The following PATE2 variants were observed in gnomAD, a reference collection of about 807,000 sequenced individuals.
The protein encoded by PATE2 is prostate and testis expressed protein 2.
A neutral mutation model predicts 10.5 loss-of-function variants in PATE2; 7 were observed. The observed-to-expected ratio is 0.66, with a 90% CI of 0.38 to 1.25. The LOEUF (loss-of-function observed/expected upper bound fraction) is 1.25. Ranked by LOEUF, PATE2 falls within the 50% of genes most tolerant of loss-of-function variation. PATE2 has a pLI of 0.02. For synonymous variants in PATE2, 44 were observed against 46.9 expected (o/e 0.94, Z 0.25); for missense variants, 133 against 135.4 (o/e 0.98, Z 0.09).
Position 125,778,745 on chromosome 11 carries a change from A to C in PATE2, c.29T>G (p.Val10Gly). The C allele has an allele frequency of 6.2e-7, 1 of 1,613,614 alleles. No homozygotes were observed. The highest frequency in any genetic ancestry group is 1.1e-5 in the South Asian group (1 of 91,064). Residue 10 changes from valine (V) to glycine (G), a missense_variant, in exon 1 of 4, where the codon GTC (valine) becomes GGC (glycine). Val to Gly is a moderately radical substitution (Grantham distance 109). Transcript: ENST00000358524. ...ACCCCAATATGGGCAGAGCAGAAAG[A>C]CTGTGCCCAGGAGAAAGAGAACAAG... MLVLFLLGTVFLLCPYWGEL... is the reference protein window; with the variant it reads MLVLFLLGTGFLLCPYWGEL...
At chr11:125,777,828 A>T in intron 3 of PATE2, 46 bp downstream of exon 3, 1 of 1,601,528 alleles carries the variant, frequency 6.2e-7, no homozygotes, top group Non-Finnish European at 8.5e-7. Context: ...ACTGTTTCTC[A>T]GGGATGGTGG....
At position 125,778,013 on chromosome 11, in the gene PATE2, C is replaced by G. The variant is rs1303003764; in HGVS notation, c.77-11G>C. The G allele has an allele frequency of 6.2e-7, 1 of 1,611,420 alleles. No homozygotes were observed. Among genetic ancestry groups the G allele is most frequent in the Middle Eastern group, 1.7e-4 (1 of 6,038 alleles). On this transcript the variant is annotated splice_polypyrimidine_tract_variant and intron_variant, in intron 2 of 3. Transcript: ENST00000358524. ...ACATTATTTCAGTCGCTGCCAGATACAAAAAGAGGTGCTTAGAGGATGCAG... is the reference window on the plus strand; with the variant it reads ...ACATTATTTCAGTCGCTGCCAGATAGAAAAAGAGGTGCTTAGAGGATGCAG...
rs192343366 is a variant in PATE2, at chr11:125,777,269, G to A, written c.*113C>T. 2.5e-4 allele frequency: 322 copies of A among 1,291,756 alleles called. No individual in the cohort carries two copies. Among genetic ancestry groups the A allele is most frequent in the Non-Finnish European group, 3.3e-4 (307 of 932,764 alleles). 80.0% of individuals were successfully genotyped at this position (1,291,756 alleles called of 1,614,324 possible). A position where few individuals can be genotyped will look rare whatever the true frequency, so the allele number is the denominator to read the frequency against. Reference sequence around the variant, plus strand: ...CCTGCTTGTCTTTTCACTATGAGCTGGCTTTCTCACTCTCTACCAATGCAT... The same window carrying A: ...CCTGCTTGTCTTTTCACTATGAGCTAGCTTTCTCACTCTCTACCAATGCAT... On this transcript the variant is annotated 3_prime_UTR_variant, in exon 4 of 4. Coordinates refer to ENST00000358524, the MANE Select transcript of PATE2 (RefSeq NM_212555.3).
rs1216871292 is a variant in PATE2, at chr11:125,777,868, C to T, written c.205+6G>A. Reference sequence around the variant, plus strand: ...GATTTTCCAGTCACTCTATACTCCACATTACCTTTCCTTGTAAGGATGTAA... The same window carrying T: ...GATTTTCCAGTCACTCTATACTCCATATTACCTTTCCTTGTAAGGATGTAA... On this transcript the variant is annotated splice_donor_region_variant and intron_variant, in intron 3 of 3. Transcript: ENST00000358524. The T allele has an allele frequency of 5.0e-6, 8 of 1,612,756 alleles. No individual in the cohort carries two copies. The highest frequency in any genetic ancestry group is 6.8e-6 in the Non-Finnish European group (8 of 1,179,360).
At chr11:125,777,543 A>G (rs1436846056) in intron 3 of PATE2, 25 bp from the exon 4 acceptor site, 3 of 1,612,708 alleles carry the variant, frequency 1.9e-6, no homozygotes, top group Non-Finnish European at 2.5e-6. Context: ...GAGAGGAAAT[A>G]TGATCATAAT....
rs1184476334 is a variant in PATE2 at position 125,778,741 on chromosome 11, A to C, written c.33T>G (p.Phe11Leu). 6.2e-7 allele frequency: 1 copy of C among 1,613,614 alleles called. No homozygotes were observed. Among genetic ancestry groups the C allele is most frequent in the Admixed American group, 1.7e-5 (1 of 59,908 alleles). Residue 11 changes from phenylalanine (F) to leucine (L), a missense_variant, in exon 1 of 4, where the codon TTT (phenylalanine) becomes TTG (leucine). Phe to Leu is a conservative substitution (Grantham distance 22, BLOSUM62 0). Transcript: ENST00000358524. MLVLFLLGTVFLLCPYWGELH... is the reference protein window; with the variant it reads MLVLFLLGTVLLLCPYWGELH... ...ACTTACCCCAATATGGGCAGAGCAG[A>C]AAGACTGTGCCCAGGAGAAAGAGAA...
Position 125,777,289 on chromosome 11 carries a change from A to G in PATE2, c.*93T>C, listed in dbSNP as rs553418895. On this transcript the variant is annotated 3_prime_UTR_variant, in exon 4 of 4. Transcript: ENST00000358524. Reference sequence around the variant, plus strand: ...GAGCTGGCTTTCTCACTCTCTACCAATGCATAGAAGAGGAGAGCAAAATTC... The same window carrying G: ...GAGCTGGCTTTCTCACTCTCTACCAGTGCATAGAAGAGGAGAGCAAAATTC... 2.5e-4 allele frequency: 361 copies of G among 1,428,446 alleles called. 1 individual carries two copies. In the African/African-American group the frequency reaches 4.7e-3, roughly 19 times the overall value. 88.5% of individuals were successfully genotyped at this position (1,428,446 alleles called of 1,614,324 possible). A position where few individuals can be genotyped will look rare whatever the true frequency, so the allele number is the denominator to read the frequency against.
At chr11:125,777,828 AGGGAT>A (rs1358759596) in intron 3 of PATE2, 41 bp downstream of exon 3, 1 of 1,601,528 alleles carries the variant, frequency 6.2e-7, no homozygotes, top group Non-Finnish European at 8.5e-7. Context: ...ACTGTTTCTC[AGGGAT>A]GGTGGTGGTG....
Position 125,777,951 on chromosome 11 carries a change from T to G in PATE2, c.128A>C (p.Tyr43Ser), listed in dbSNP as rs201305549. The change falls in exon 3 of 4, where the codon TAT becomes TCT. Residue 43 changes from tyrosine (Y) to serine (S), a missense_variant. Physicochemically the swap from Tyr to Ser is moderately radical, Grantham distance 144. Coordinates refer to ENST00000358524, the MANE Select transcript of PATE2 (RefSeq NM_212555.3). ...ECKKYHLGLC[Y>S]GVMTSCSLKH... ...CAGGGAGCAGGATGTCATGACACCA[T>G]AGCATAACCCAAGATGATATTTTTT... 1.2e-6 allele frequency: 2 copies of G among 1,613,084 alleles called. No individual in the cohort carries two copies. The highest frequency in any genetic ancestry group is 3.3e-5 in the Admixed American group (2 of 59,914).
At position 125,777,345 on chromosome 11, in the gene PATE2, G is replaced by T. The variant is rs1286978506; in HGVS notation, c.*37C>A. The T allele has an allele frequency of 1.2e-6, 2 of 1,605,706 alleles. No individual in the cohort carries two copies. Among genetic ancestry groups the T allele is most frequent in the Non-Finnish European group, 1.7e-6 (2 of 1,173,620 alleles). On this transcript the variant is annotated 3_prime_UTR_variant, in exon 4 of 4. Coordinates refer to ENST00000358524, the MANE Select transcript of PATE2 (RefSeq NM_212555.3). ...CAGGGAAGAGAAAAAGAGCGTAGTGGTTGAAAAAGAACCCAAAATCCAGGA... is the reference window on the plus strand; with the variant it reads ...CAGGGAAGAGAAAAAGAGCGTAGTGTTTGAAAAAGAACCCAAAATCCAGGA...
intron 1 of PATE2, 49 bp downstream of exon 1, chr11:125,778,673 G>T: frequency 6.2e-7 from 1 of 1,612,586 alleles, no homozygotes; most frequent in South Asian, 1.1e-5. Flanking sequence ...CCCAGCATCT[G>T]TCCGTCTCTT....
At chr11:125,777,841 G>GTGA in intron 3 of PATE2, 33 bp downstream of exon 3, 1 of 1,608,148 alleles carries the variant, frequency 6.2e-7, no homozygotes, top group South Asian at 1.1e-5. Flanking sequence ...GATGGTGGTG[G>GTGA]TGATTTTCCA....
rs1186431667 is a variant in PATE2 at position 125,777,416 on chromosome 11, T to G, written c.308A>C (p.His103Pro). Residue 103 changes from histidine to proline, a missense_variant, in exon 4 of 4, where the codon CAT becomes CCT. Transcript: ENST00000358524. ...TKRVELICCDHSNYCNLPEGV is the reference protein window; with the variant it reads ...TKRVELICCDPSNYCNLPEGV ...CTCAGGGAGGTTGCAGTAGTTACTATGATCACAACAGATGAGCTCTACCCT... is the reference window on the plus strand; with the variant it reads ...CTCAGGGAGGTTGCAGTAGTTACTAGGATCACAACAGATGAGCTCTACCCT... The G allele has an allele frequency of 6.2e-7, 1 of 1,613,600 alleles. No homozygotes were observed. Among genetic ancestry groups the G allele is most frequent in the Non-Finnish European group, 8.5e-7 (1 of 1,179,776 alleles).
rs1484011250 is a variant in PATE2 at position 125,777,981 on chromosome 11, T to G, written c.98A>C (p.Glu33Ala). The change falls in exon 3 of 4, where the codon GAA (glutamate) becomes GCA (alanine). Residue 33 changes from glutamate (E) to alanine (A), a missense_variant. Glu to Ala is a moderately radical substitution (Grantham distance 107). Transcript: ENST00000358524. Reference sequence around the variant, plus strand: ...TAACCCAAGATGATATTTTTTACATTCATAACACATTATTTCAGTCGCTGC... The same window carrying G: ...TAACCCAAGATGATATTTTTTACATGCATAACACATTATTTCAGTCGCTGC... ...PIKATEIMCYECKKYHLGLCY... is the reference protein window; with the variant it reads ...PIKATEIMCYACKKYHLGLCY... The G allele has an allele frequency of 6.2e-7, 1 of 1,613,230 alleles. No homozygotes were observed. The highest frequency in any genetic ancestry group is 8.5e-7 in the Non-Finnish European group (1 of 1,179,436).
chr11:125,777,252 T>C lies in PATE2; in HGVS notation c.*130A>G. 5 of 1,137,848 alleles carry C rather than the reference T, an allele frequency of 4.4e-6. No homozygotes were observed. Among genetic ancestry groups the C allele is most frequent in the Non-Finnish European group, 6.2e-6 (5 of 805,248 alleles). The allele number at this position is 1,137,848 out of a possible 1,614,324, so 70.5% of individuals were successfully genotyped here. A position where few individuals can be genotyped will look rare whatever the true frequency, so the allele number is the denominator to read the frequency against. ...CACTGCGTCTCCTTATGCCTGCTTG[T>C]CTTTTCACTATGAGCTGGCTTTCTC... is the stretch of plus-strand genomic sequence containing the variant. On this transcript the variant is annotated 3_prime_UTR_variant, in exon 4 of 4. Coordinates refer to ENST00000358524, the MANE Select transcript of PATE2 (RefSeq NM_212555.3).
rs1943482872 is a variant in PATE2 at position 125,776,283 on chromosome 11, T to G, written c.*1099A>C. ...GTGCCATGGTGGTTTGCTGCACCCA[T>G]CAACCCGTCATCTAGGGTGCAGTCA... On this transcript the variant is annotated 3_prime_UTR_variant, in exon 4 of 4. Transcript: ENST00000358524. The G allele has an allele frequency of 6.6e-6, 1 of 152,192 alleles. No individual in the cohort carries two copies. Among genetic ancestry groups the G allele is most frequent in the Non-Finnish European group, 1.5e-5 (1 of 68,048 alleles). 9.4% of individuals were successfully genotyped at this position (152,192 alleles called of 1,614,324 possible). A position where few individuals can be genotyped will look rare whatever the true frequency, so the allele number is the denominator to read the frequency against.
Position 125,777,198 on chromosome 11 carries a change from G to T in PATE2, c.*184C>A. 2 of 627,532 alleles carry T rather than the reference G, an allele frequency of 3.2e-6. No homozygotes were observed. The highest frequency in any genetic ancestry group is 5.3e-6 in the Non-Finnish European group (2 of 375,408). The allele number at this position is 627,532 out of a possible 1,614,324, so 38.9% of individuals were successfully genotyped here. On this transcript the variant is annotated 3_prime_UTR_variant, in exon 4 of 4. Transcript: ENST00000358524. ...GGGATGTGCAAAGAGTGAGTCTAGTGCTCCATCATCAATAGGCTCCGCTGT... is the reference window on the plus strand; with the variant it reads ...GGGATGTGCAAAGAGTGAGTCTAGTTCTCCATCATCAATAGGCTCCGCTGT...
intron 1 of PATE2, 46 bp downstream of exon 1, chr11:125,778,676 C>T (rs375837359): frequency 4.1e-5 from 66 of 1,612,556 alleles, no homozygotes; most frequent in Admixed American, 1.0e-4. Context: ...AGCATCTGTC[C>T]GTCTCTTAAC....
chr11:125,778,275 A>C lies in PATE2; in HGVS notation c.77-273T>G, dbSNP rs138637644. Among the ~76,000 whole-genome samples the C allele has an allele frequency of 5.9e-4, 90 of 152,268 alleles. No homozygotes were observed. In the East Asian group the frequency reaches 0.016, roughly 26 times the overall value. ...ATCAAACACTGTATATGATTTCAGG[A>C]GGTCAGGGTTCCCATGAAATTTATC... On this transcript the variant is annotated intron_variant, in intron 2 of 3. Transcript: ENST00000358524.
Sources: allele counts gnomAD v4.1 joint callset (sites outside exome capture counted in the v4.1 genomes callset), GRCh38; gene constraint gnomAD v4.1.1; transcripts MANE v1.5; gene names NCBI Gene and HGNC (gene_info 2026-07-23, HGNC 2026-07-21).